USP28: variants seen among roughly 807,000 people sequenced by gnomAD.
USP28 encodes the protein ubiquitin carboxyl-terminal hydrolase 28.
A neutral mutation model predicts 145.0 loss-of-function variants in USP28; 113 were observed. The observed-to-expected ratio is 0.78, with a 90% confidence interval of 0.67 to 0.91. The LOEUF (loss-of-function observed/expected upper bound fraction) is 0.91. USP28 is among the 40% of genes least tolerant of loss of function. The pLI is 0.00. For synonymous variants in USP28, 447 were observed against 450.9 expected (o/e 0.99, Z 0.11); for missense variants, 1,201 against 1,289.6 (o/e 0.93, Z 1.05).
chr11:113,839,524 G>C (rs1379632804), intron 5 of USP28, among the ~76,000 whole-genome samples: 2 of 152,130 alleles, frequency 1.3e-5, no homozygotes, highest in Non-Finnish European at 2.9e-5. Flanking sequence ...GGCAGAAGTT[G>C]CATTGAGCCT....
At position 113,841,727 on chromosome 11, in the gene USP28, C is replaced by T. The variant is rs1352870162; in HGVS notation, c.310G>A (p.Ala104Thr). The change falls in exon 4 of 25, where the codon GCT (alanine) becomes ACT (threonine). Residue 104 changes from alanine to threonine, a missense_variant. Transcript: ENST00000003302. ...TCCAGTAGACTCAAAGCAATGGCAGCCTGAAGATCATCTTTGTTATCATGA... is the reference window on the plus strand; with the variant it reads ...TCCAGTAGACTCAAAGCAATGGCAGTCTGAAGATCATCTTTGTTATCATGA... The T allele has an allele frequency of 1.9e-6, 3 of 1,613,388 alleles. No individual in the cohort carries two copies. The highest frequency in any genetic ancestry group is 2.5e-6 in the Non-Finnish European group (3 of 1,179,580).
intron 1 of USP28, among the ~76,000 whole-genome samples, chr11:113,866,240 C>T (rs952701945): frequency 2.6e-5 from 4 of 151,738 alleles, no homozygotes; most frequent in African/African-American, 9.7e-5. Context: ...TGCAGTGAGC[C>T]GAGATCAGAC....
At chr11:113,804,396 A>C (rs1392180434) in intron 21 of USP28, among the ~76,000 whole-genome samples, 1 of 152,204 alleles carries the variant, frequency 6.6e-6, no homozygotes, top group Non-Finnish European at 1.5e-5. Context: ...AACAAACCAA[A>C]AGCATGATTT....
chr11:113,874,374 G>A (rs1949148546), intron 1 of USP28: 1 of 733,842 alleles, frequency 1.4e-6, no homozygotes, highest in South Asian at 2.0e-5. Context: ...GCAGTGAGCC[G>A]ACATCGCGCC....
At chr11:113,799,160 A>C in exon 25 of USP28, 1 of 1,465,096 alleles carries the variant, frequency 6.8e-7, no homozygotes, top group East Asian at 2.3e-5. Context: ...TCCTTTTCCC[A>C]AGGTGAGCAC....
intron 9 of USP28, 106 bp from the exon 10 acceptor site, chr11:113,829,451 G>A: frequency 7.1e-7 from 1 of 1,417,190 alleles, no homozygotes; most frequent in Non-Finnish European, 9.6e-7. Flanking sequence ...CTTCCTGATA[G>A]CTGGTTAGAA....
At chr11:113,868,801 T>C (rs1948540280) in intron 1 of USP28, among the ~76,000 whole-genome samples, 1 of 151,104 alleles carries the variant, frequency 6.6e-6, no homozygotes, top group African/African-American at 2.4e-5. Context: ...CACATGTCTG[T>C]AGTTCCAGCT....
At chr11:113,867,722 T>C (rs867641210) in intron 1 of USP28, among the ~76,000 whole-genome samples, 1 of 144,474 alleles carries the variant, frequency 6.9e-6, no homozygotes, top group Non-Finnish European at 1.5e-5. Context: ...CTGAGCAACA[T>C]AGCTAGACCC....
intron 14 of USP28, among the ~76,000 whole-genome samples, chr11:113,814,687 TG>T (rs1375165480): frequency 1.3e-5 from 2 of 151,964 alleles, no homozygotes; most frequent in Non-Finnish European, 2.9e-5. Context: ...ATCTGTATAA[TG>T]GGGGTGTGTG....
chr11:113,869,493 G>A (rs561795878), intron 1 of USP28, among the ~76,000 whole-genome samples: 12 of 152,096 alleles, frequency 7.9e-5, no homozygotes, highest in African/African-American at 2.9e-4. Flanking sequence ...AGCTACTCAA[G>A]TGTCTGAGGA....
intron 3 of USP28, among the ~76,000 whole-genome samples, chr11:113,845,580 C>A (rs914298594): frequency 2.0e-5 from 3 of 152,064 alleles, no homozygotes; most frequent in African/African-American, 7.2e-5. Flanking sequence ...GAATCTAAAG[C>A]AGGGTCTTTT....
chr11:113,825,874 CT>C (rs141144601), intron 11 of USP28, among the ~76,000 whole-genome samples: 4,955 of 152,222 alleles, frequency 0.033, 134 homozygotes, highest in Middle Eastern at 0.095. Context: ...CAAGGAAAAC[CT>C]TTTGGGTGCT....
At position 113,813,912 on chromosome 11, in the gene USP28, C is replaced by A. The variant is rs199821168; in HGVS notation, c.1716G>T (p.Gln572His). The change falls in exon 15 of 25, where the codon CAG becomes CAT. Residue 572 changes from glutamine (Q) to histidine (H), a missense_variant. Gln to His is a conservative substitution (Grantham distance 24). Transcript: ENST00000003302. ...GACGAAGGAGAGGATCGCAGTACAT[C>A]TGTTCAATAGTCTGAGTAGTACTTG... 4.2e-5 allele frequency: 67 copies of A among 1,612,774 alleles called. No individual in the cohort carries two copies. The highest frequency in any genetic ancestry group is 5.6e-5 in the Non-Finnish European group (66 of 1,179,660).
chr11:113,827,555 A>G (rs978342709), intron 10 of USP28, among the ~76,000 whole-genome samples, 195 bp from the exon 11 acceptor site: 3 of 152,214 alleles, frequency 2.0e-5, no homozygotes, highest in Middle Eastern at 3.2e-3. Flanking sequence ...CTCTTACAGA[A>G]TATGGTTCAA....
chr11:113,818,735 C>A (rs1942144283), intron 12 of USP28, among the ~76,000 whole-genome samples: 1 of 152,068 alleles, frequency 6.6e-6, no homozygotes, highest in African/African-American at 2.4e-5. Flanking sequence ...ATGGCACACT[C>A]CTGTAGTCCC....
chr11:113,824,151 TG>T (rs1294536796), intron 11 of USP28, among the ~76,000 whole-genome samples: 3 of 151,688 alleles, frequency 2.0e-5, no homozygotes, highest in Admixed American at 2.0e-4. Flanking sequence ...AAAGAACAAA[TG>T]AAAAATGAAA....
chr11:113,852,051 C>G (rs141911063), intron 3 of USP28, among the ~76,000 whole-genome samples: 1 of 151,972 alleles, frequency 6.6e-6, no homozygotes, highest in African/African-American at 2.4e-5. Context: ...TTTTAAGAGA[C>G]GGAGTCTTGC....
chr11:113,845,459 TA>T (rs546074659), intron 3 of USP28, among the ~76,000 whole-genome samples: 1 of 137,554 alleles, frequency 7.3e-6, no homozygotes, highest in Admixed American at 8.7e-5. Flanking sequence ...AATAAATAAA[TA>T]AAATAAAATA....
chr11:113,841,671 A>T, exon 4 of USP28: 1 of 1,609,186 alleles, frequency 6.2e-7, no homozygotes, highest in Non-Finnish European at 8.5e-7. Context: ...ACCTGTTAAG[A>T]TCTCTTCCAT....
Sources: gnomAD v4.1 joint callset for allele counts (sites outside exome capture counted in the v4.1 genomes callset) on GRCh38, gnomAD v4.1.1 for gene constraint, MANE v1.5 for transcripts, NCBI Gene and HGNC (gene_info 2026-07-23, HGNC 2026-07-21) for gene names.